Variants in MTMR11 observed in about 807,000 individuals in gnomAD.
MTMR11 encodes the protein myotubularin-related protein 11.
MTMR11 carries 89 observed loss-of-function variants against 100.0 expected under a neutral mutation model. The ratio of observed to expected loss-of-function variants is 0.89; its 90% CI spans 0.75 to 1.06. The LOEUF (loss-of-function observed/expected upper bound fraction) is 1.06. Among genes scored for constraint, MTMR11 ranks in the 50% least tolerant of loss-of-function variants. The pLI, the probability that MTMR11 is intolerant of heterozygous loss-of-function variation, is 0.00. For missense variants in MTMR11, 809 were observed against 873.7 expected, an observed-to-expected ratio of 0.93 and a Z score of 0.93; for synonymous variants, 336 against 326.3, an observed-to-expected ratio of 1.03 and a Z score of -0.32.
At position 149,929,017 on chromosome 1, in the gene MTMR11, A is replaced by G. The variant is rs1431060594; in HGVS notation, c.*112T>C. On this transcript the variant is annotated 3_prime_UTR_variant, in exon 17 of 17. Transcript: ENST00000439741. ...AAGAGTTGGAGCAGTTAACACCACT[A>G]TCTGCAGCAGAAACTCAGACCTTCT... 5.6e-6 allele frequency: 9 copies of G among 1,602,674 alleles called. No homozygotes were observed. The highest frequency in any genetic ancestry group is 2.2e-5 in the South Asian group (2 of 90,246).
Position 149,934,201 on chromosome 1 carries a change from C to A in MTMR11, c.673G>T (p.Val225Leu). Residue 225 changes from valine to leucine, a missense_variant, in exon 7 of 17, where the codon GTA (valine) becomes TTA (leucine). Transcript: ENST00000439741. ...RVSTVNERFD[V>L]ATSLPRYFWV... ...GCACTGGGGGATCACCTGGTGGCTACGTCGAACCTCTCGTTGACCGTGCTG... is the reference window on the plus strand; with the variant it reads ...GCACTGGGGGATCACCTGGTGGCTAAGTCGAACCTCTCGTTGACCGTGCTG... 6.2e-7 allele frequency: 1 copy of A among 1,613,972 alleles called. No homozygotes were observed. Among genetic ancestry groups the A allele is most frequent in the Non-Finnish European group, 8.5e-7 (1 of 1,180,008 alleles).
At chr1:149,935,244 G>A in intron 4 of MTMR11, 55 bp downstream of exon 4, 2 of 1,607,266 alleles carry the variant, frequency 1.2e-6, no homozygotes, top group Non-Finnish European at 1.7e-6. Flanking sequence ...GAAGGATGAG[G>A]AGGGAGTTCC....
Position 149,936,219 on chromosome 1 carries a change from T to A in MTMR11, c.77A>T (p.Glu26Val). ...ACTCCTGGGCTCCGGCATCCTATTT[T>A]CCTGGACAGACTTTGGTCCAGAGGG... Reference protein sequence around the residue: ...KEEPEMGSVQENRMPEPRSRQ... With the variant: ...KEEPEMGSVQVNRMPEPRSRQ... The change falls in exon 2 of 17, where the codon GAA (glutamate) becomes GTA (valine). Residue 26 changes from glutamate (E) to valine (V), a missense_variant. Coordinates refer to ENST00000439741, the MANE Select transcript of MTMR11 (RefSeq NM_001145862.2). The A allele has an allele frequency of 6.2e-7, 1 of 1,613,966 alleles. No homozygotes were observed. Among genetic ancestry groups the A allele is most frequent in the Non-Finnish European group, 8.5e-7 (1 of 1,180,008 alleles).
In MTMR11 at chr1:149,929,861, G is replaced by C. The variant is rs200237618; in HGVS notation, c.1703C>G (p.Ala568Gly). The C allele has an allele frequency of 1.2e-6, 2 of 1,614,180 alleles. No individual in the cohort carries two copies. The highest frequency in any genetic ancestry group is 4.5e-5 in the East Asian group (2 of 44,882). ...ACAGAGCTGATTCAGGGGGGTCAAT[G>C]CTCCTCTAGAGAAGAGCCACACAGA... ...PSSVWLFSRG[A>G]LTPLNQLCPW... The change falls in exon 16 of 17, where the codon GCA becomes GGA. Residue 568 changes from alanine (A) to glycine (G), a missense_variant. By Grantham distance (60) the Ala-to-Gly change is moderately conservative. Coordinates refer to ENST00000439741, the MANE Select transcript of MTMR11 (RefSeq NM_001145862.2).
rs1553769142 is a variant in MTMR11, at chr1:149,936,140, TAGG to T, written c.142+11_142+13del. 1 of 1,609,186 alleles carries T rather than the reference TAGG, an allele frequency of 6.2e-7. No homozygotes were observed. The highest frequency in any genetic ancestry group is 1.7e-5 in the Admixed American group (1 of 60,022). On this transcript the variant is annotated intron_variant, in intron 2 of 16. Coordinates refer to ENST00000439741, the MANE Select transcript of MTMR11 (RefSeq NM_001145862.2). ...AAATTTGGAAGTCTTTGGAGAGTGA[TAGG>T]GCATTATTACCTGGGAGGCATCTGG...
intron 2 of MTMR11, 47 bp from the exon 3 acceptor site, chr1:149,935,752 C>A (rs782648786): frequency 6.5e-7 from 1 of 1,531,910 alleles, no homozygotes; most frequent in South Asian, 1.2e-5. Context: ...CCCAGTGTTG[C>A]CCACACTTGG....
rs2092613858 is a variant in MTMR11, at chr1:149,928,747, C to T, written c.*382G>A. The T allele has an allele frequency of 1.0e-6, 1 of 991,818 alleles. No individual in the cohort carries two copies. The highest frequency in any genetic ancestry group is 2.0e-5 in the Admixed American group (1 of 49,840). The allele number at this position is 991,818 out of a possible 1,614,324, so 61.4% of individuals were successfully genotyped here. A position where few individuals can be genotyped will look rare whatever the true frequency, so the allele number is the denominator to read the frequency against. On this transcript the variant is annotated 3_prime_UTR_variant, in exon 17 of 17. Transcript: ENST00000439741. ...GTGTTTCCTGTATCCGCCTCATTCC[C>T]ATAGAAAACTATAAGGGAAGAAATA...
chr1:149,936,077 T>C, intron 2 of MTMR11, 77 bp downstream of exon 2: 1 of 1,460,930 alleles, frequency 6.8e-7, no homozygotes, highest in Non-Finnish European at 9.6e-7. Flanking sequence ...CACAGGGGTA[T>C]CTTTGGTGAG....
chr1:149,933,032 C>T (rs1435049154), intron 10 of MTMR11, among the ~76,000 whole-genome samples: 1 of 151,430 alleles, frequency 6.6e-6, no homozygotes, highest in African/African-American at 2.4e-5. Context: ...TCAGTTCACC[C>T]GCCTCCTGGG....
Position 149,936,165 on chromosome 1 carries a change from C to G in MTMR11, c.131G>C (p.Arg44Thr), listed in dbSNP as rs1553769158. The G allele has an allele frequency of 1.2e-6, 2 of 1,614,088 alleles. No individual in the cohort carries two copies. The highest frequency in any genetic ancestry group is 4.5e-5 in the East Asian group (2 of 44,878). The change falls in exon 2 of 17, where the codon AGA (arginine) becomes ACA (threonine). Residue 44 changes from arginine (R) to threonine (T), a missense_variant. Transcript: ENST00000439741. ...TAGGGCATTATTACCTGGGAGGCAT[C>G]TGGAGGCCAGGCAACTGCTAGGCTG... Reference protein sequence around the residue: ...SRQPSSCLASRCLPGEQILAW... With the variant: ...SRQPSSCLASTCLPGEQILAW...
In MTMR11 at chr1:149,932,016, T is replaced by G; in HGVS notation, c.1053-2A>C. ...TCACTGGCCTTTCGAAGACAAGCCC[T>G]GGAGGAGCAGGTGAGGAAGAGGGAG... On this transcript the variant is annotated splice_acceptor_variant, in intron 11 of 16. Coordinates refer to ENST00000439741, the MANE Select transcript of MTMR11 (RefSeq NM_001145862.2). LOFTEE classifies it high-confidence loss of function. 6.2e-7 allele frequency: 1 copy of G among 1,612,652 alleles called. No individual in the cohort carries two copies. Among genetic ancestry groups the G allele is most frequent in the Middle Eastern group, 1.6e-4 (1 of 6,062 alleles).
rs1250054150 is a variant in MTMR11 at position 149,935,017 on chromosome 1, T to G, written c.437A>C (p.Glu146Ala). Reference protein sequence around the residue: ...RDFRLLRVGFEAGGLEPQAFQ... With the variant: ...RDFRLLRVGFAAGGLEPQAFQ... ...AGCCTGAGGCTCTAGGCCTCCAGCC[T>G]CAAAACCAACTCTGAGCAGCCGGAA... The change falls in exon 5 of 17, where the codon GAG (glutamate) becomes GCG (alanine). Residue 146 changes from glutamate to alanine, a missense_variant. Transcript: ENST00000439741. 2 of 1,613,980 alleles carry G rather than the reference T, an allele frequency of 1.2e-6. No individual in the cohort carries two copies. The highest frequency in any genetic ancestry group is 1.3e-5 in the African/African-American group (1 of 75,000).
In MTMR11 at chr1:149,928,700, A is replaced by G. The variant is rs587747887; in HGVS notation, c.*429T>C. The G allele has an allele frequency of 6.2e-4, 401 of 648,056 alleles. No homozygotes were observed. In the African/African-American group the frequency reaches 6.7e-3, roughly 11 times the overall value. The allele number at this position is 648,056 out of a possible 1,614,324, so 40.1% of individuals were successfully genotyped here. On this transcript the variant is annotated 3_prime_UTR_variant, in exon 17 of 17. Coordinates refer to ENST00000439741, the MANE Select transcript of MTMR11 (RefSeq NM_001145862.2). ...GAGCCCCTTAAATAGAAATTCCACTACAAAAATACAGAGGAGATAGGGTGT... is the reference window on the plus strand; with the variant it reads ...GAGCCCCTTAAATAGAAATTCCACTGCAAAAATACAGAGGAGATAGGGTGT...
rs1042288740 is a variant in MTMR11 at position 149,935,607 on chromosome 1, G to A, written c.241C>T (p.Pro81Ser). 3 of 1,614,058 alleles carry A rather than the reference G, an allele frequency of 1.9e-6. No individual in the cohort carries two copies. The South Asian group carries it at 3.3e-5, about 18-fold the overall frequency. Residue 81 changes from proline (P) to serine (S), a missense_variant, in exon 3 of 17, where the codon CCC (proline) becomes TCC (serine). By Grantham distance (74) the Pro-to-Ser change is moderately conservative (BLOSUM62 -1). Coordinates refer to ENST00000439741, the MANE Select transcript of MTMR11 (RefSeq NM_001145862.2). The part of the protein sequence containing the change: ...ICTNFRVTFQ[P>S]CGWQWNQDTP... ...ACCTGATTCCACTGCCATCCACAGG[G>A]CTGGAAGGTGACCCTAAAGTTGGTA... is the stretch of plus-strand genomic sequence containing the variant.
Position 149,933,393 on chromosome 1 carries a change from AG to A in MTMR11, c.985+12del, listed in dbSNP as rs2092685369. 6.2e-7 allele frequency: 1 copy of A among 1,614,028 alleles called. No individual in the cohort carries two copies. Among genetic ancestry groups the A allele is most frequent in the Non-Finnish European group, 8.5e-7 (1 of 1,179,966 alleles). On this transcript the variant is annotated intron_variant, in intron 10 of 16. Coordinates refer to ENST00000439741, the MANE Select transcript of MTMR11 (RefSeq NM_001145862.2). The stretch of plus-strand genomic sequence containing the variant: ...GGTGAGGGTGAGGGTTAGGGGTCAA[AG>A]GTTATTCTCACCAGGCAGGCAGAGG...
intron 14 of MTMR11, 27 bp downstream of exon 14, chr1:149,930,763 AAC>A (rs2092647683): frequency 3.3e-6 from 5 of 1,524,644 alleles, no homozygotes; most frequent in Non-Finnish European, 4.4e-6. Context: ...TGGAAAAAAA[AAC>A]ACGAGTCAAA....
intron 16 of MTMR11, 61 bp from the exon 17 acceptor site, chr1:149,929,378 T>G (rs1343591601): frequency 7.0e-7 from 1 of 1,438,178 alleles, no homozygotes; most frequent in East Asian, 2.3e-5. Context: ...CCCCTGCTTC[T>G]CTGCTACTTC....
At chr1:149,936,559 C>G in intron 1 of MTMR11, 23 bp downstream of exon 1, 1 of 1,479,108 alleles carries the variant, frequency 6.8e-7, no homozygotes, top group Non-Finnish European at 9.2e-7. Context: ...CTTGCCGACA[C>G]CCCCCAAATT....
rs1211619969 is a variant in MTMR11, at chr1:149,935,412, C to T, written c.265-53G>A. ...ATCTGAAATCGCCCTCATTTTCCTA[C>T]CCTGGCAGCCCCAACCCCTTCTAGG... On this transcript the variant is annotated intron_variant, in intron 3 of 16. Transcript: ENST00000439741. The T allele has an allele frequency of 4.4e-6, 7 of 1,601,962 alleles. No individual in the cohort carries two copies. The African/African-American group carries it at 6.7e-5, about 15-fold the overall frequency.
Sources: allele counts gnomAD v4.1 joint callset (sites outside exome capture counted in the v4.1 genomes callset), GRCh38; gene constraint gnomAD v4.1.1; transcripts MANE v1.5; gene names NCBI Gene and HGNC (gene_info 2026-07-23, HGNC 2026-07-21).